CGN: variants seen among roughly 807,000 people sequenced by gnomAD.
CGN encodes cingulin.
A neutral mutation model predicts 157.1 loss-of-function variants in CGN; 121 were observed. The ratio of observed to expected loss-of-function variants is 0.77; its 90% confidence interval spans 0.66 to 0.90. The LOEUF (loss-of-function observed/expected upper bound fraction) is 0.90. CGN is among the 40% of genes least tolerant of loss of function. CGN has a pLI of 0.00. For synonymous variants in CGN, 535 were observed against 607.5 expected, an observed-to-expected ratio of 0.88 and a Z score of 1.76; for missense variants, 1,424 against 1,520.9, an observed-to-expected ratio of 0.94 and a Z score of 1.06.
intron 13 of CGN, 122 bp downstream of exon 13, chr1:151,530,868 C>T (rs550979983): frequency 9.6e-6 from 10 of 1,039,544 alleles, no homozygotes; most frequent in African/African-American, 3.2e-5. Flanking sequence ...TGGCCAGGTG[C>T]GGTGACTCAC....
chr1:151,533,460 A>G (rs562411865), intron 14 of CGN, among the ~76,000 whole-genome samples: 95 of 151,566 alleles, frequency 6.3e-4, no homozygotes, highest in Middle Eastern at 3.5e-3. Context: ...TGGGCGACAG[A>G]GCAAGACTCC....
At chr1:151,536,550 G>T (rs1664973122) in intron 19 of CGN, among the ~76,000 whole-genome samples, 180 bp from the exon 20 acceptor site, 1 of 152,208 alleles carries the variant, frequency 6.6e-6, no homozygotes, top group South Asian at 2.1e-4. Flanking sequence ...GCTAGGTTCT[G>T]TAAGTATTAC....
chr1:151,536,634 A>G, intron 19 of CGN, 96 bp from the exon 20 acceptor site: 1 of 1,304,090 alleles, frequency 7.7e-7, no homozygotes, highest in Non-Finnish European at 1.1e-6. Context: ...ACATTTTTCC[A>G]GCGGCAATTA....
At chr1:151,530,408 C>G in intron 12 of CGN, 81 bp from the exon 13 acceptor site, 2 of 1,470,632 alleles carry the variant, frequency 1.4e-6, no homozygotes. Flanking sequence ...CCTCCTTTCT[C>G]CTGCCCAGCT....
chr1:151,536,131 A>T (rs1156551944), intron 18 of CGN, 106 bp from the exon 19 acceptor site: 1 of 793,230 alleles, frequency 1.3e-6, no homozygotes, highest in Non-Finnish European at 2.2e-6. Context: ...GCCCAGTCTA[A>T]TGGTGGAGCT....
At chr1:151,537,131 T>C in intron 20 of CGN, 74 bp from the exon 21 acceptor site, 1 of 1,515,098 alleles carries the variant, frequency 6.6e-7, no homozygotes, top group South Asian at 1.3e-5. Flanking sequence ...TGGGGTTTCC[T>C]TTGTACAAAA....
rs571663770 is a variant in CGN at position 151,529,959 on chromosome 1, C to T, written c.2157C>T (p.Ala719=). 1.5e-5 allele frequency: 25 copies of T among 1,614,118 alleles called. 1 individual carries two copies. The highest frequency in any genetic ancestry group is 1.4e-4 in the South Asian group (13 of 91,084). ...CAACAGTGCTGGGGCAGCGGCGGGC[C>T]GCAGTGGAGACGACGCTTCGGGAGA... The part of the protein sequence containing the change: ...AEATVLGQRR[A]AVETTLRETQ... Residue 719 remains alanine (A), a synonymous_variant, in exon 12 of 21, where the codon GCC becomes GCT. Transcript: ENST00000271636.
Position 151,519,286 on chromosome 1 carries a change from A to T in CGN, c.767A>T (p.Asn256Ile). ...TCGAAGCAGCCAGCCCAGAGCCAGA[A>T]CCTGAGTCCTCTCAGTGGCTTTAGC... Reference protein sequence around the residue: ...GTSKQPAQSQNLSPLSGFSRS... With the variant: ...GTSKQPAQSQILSPLSGFSRS... The change falls in exon 2 of 21, where the codon AAC becomes ATC. Residue 256 changes from asparagine to isoleucine, a missense_variant. Transcript: ENST00000271636. 2 of 1,613,938 alleles carry T rather than the reference A, an allele frequency of 1.2e-6. No homozygotes were observed. Among genetic ancestry groups the T allele is most frequent in the Non-Finnish European group, 1.7e-6 (2 of 1,180,022 alleles).
Position 151,524,196 on chromosome 1 carries a change from A to C in CGN, c.1269-30A>C. Reference sequence around the variant, plus strand: ...ATGCGTTTAGAGAACTGCCTGACACATAGTGTGCAATAATGTTATCTATTA... The same window carrying C: ...ATGCGTTTAGAGAACTGCCTGACACCTAGTGTGCAATAATGTTATCTATTA... On this transcript the variant is annotated intron_variant, in intron 6 of 20. Coordinates refer to ENST00000271636, the MANE Select transcript of CGN (RefSeq NM_020770.3). The surrounding 1 kb of genome is among the most constrained non-coding windows in gnomAD (Gnocchi z 4.4). The C allele has an allele frequency of 6.3e-7, 1 of 1,575,112 alleles. No individual in the cohort carries two copies.
intron 10 of CGN, chr1:151,527,947 TA>T: frequency 7.0e-5 from 10 of 143,268 alleles, no homozygotes; most frequent in South Asian, 2.2e-4. Flanking sequence ...TATATATATA[TA>T]TATTTTTTTT....
In CGN at chr1:151,526,943, C is replaced by CTT. The variant is rs764698328; in HGVS notation, c.1764-30_1764-29dup. On this transcript the variant is annotated intron_variant, in intron 9 of 20. Transcript: ENST00000271636. ...CAGGCATGTGGCCTTACTCTGTTCC[C>CTT]TTTCCCCTTTATTTCACCTTGCCTG... 9 of 1,614,006 alleles carry CTT rather than the reference C, an allele frequency of 5.6e-6. No homozygotes were observed. In the South Asian group the frequency reaches 9.9e-5, roughly 18 times the overall value.
chr1:151,527,808 T>TACACAC (rs141985486), intron 10 of CGN: 20,986 of 155,692 alleles, frequency 0.13, 1,431 homozygotes, highest in Middle Eastern at 0.2. Context: ...TTTGGTTTTA[T>TACACAC]ACACACACAC....
In CGN at chr1:151,529,527, C is replaced by A. The variant is rs928793358; in HGVS notation, c.2074C>A (p.Gln692Lys). The change falls in exon 11 of 21, where the codon CAA (glutamine) becomes AAA (lysine). Residue 692 changes from glutamine to lysine, a missense_variant. Transcript: ENST00000271636. ...QNLQLQKTLQ[Q>K]LRQDCEEASK... ...CCTCCAGCTACAAAAGACCCTCCAG[C>A]AACTGCGACAGGACTGTGAAGAGGC... 6.2e-7 allele frequency: 1 copy of A among 1,613,900 alleles called. No homozygotes were observed. Among genetic ancestry groups the A allele is most frequent in the Admixed American group, 1.7e-5 (1 of 59,990 alleles).
chr1:151,511,313 C>A (rs1664279612), upstream of CGN: 1 of 153,120 alleles, frequency 6.5e-6, no homozygotes, highest in Non-Finnish European at 1.5e-5. The surrounding 1 kb of genome is among the most constrained non-coding windows in gnomAD (Gnocchi z 4.8). Context: ...CGGGGAAAGG[C>A]GGGGCGGGCA....
At chr1:151,516,488 C>T (rs1435495620) in intron 1 of CGN, among the ~76,000 whole-genome samples, 1 of 151,466 alleles carries the variant, frequency 6.6e-6, no homozygotes, top group African/African-American at 2.4e-5. Flanking sequence ...ATGGTGTTGG[C>T]TCTGGCTCTC....
chr1:151,537,579 G>A lies in CGN; in HGVS notation c.*233G>A, dbSNP rs1664998433. ...CAAGCCAACTGAGCCTTTTCCTCAA[G>A]TGCCGACACCTCCCTCATCTCTCTT... On this transcript the variant is annotated 3_prime_UTR_variant, in exon 21 of 21. Transcript: ENST00000271636. The A allele has an allele frequency of 2.2e-6, 1 of 458,944 alleles. No individual in the cohort carries two copies. The highest frequency in any genetic ancestry group is 3.9e-6 in the Non-Finnish European group (1 of 258,498). The allele number at this position is 458,944 out of a possible 1,614,324, so 28.4% of individuals were successfully genotyped here.
Position 151,511,463 on chromosome 1 carries a change from C to CGAGCCCGAGCCT in CGN, c.-56_-55insTGAGCCCGAGCC, listed in dbSNP as rs1553244439. 1.1e-4 allele frequency: 21 copies of CGAGCCCGAGCCT among 187,842 alleles called. No individual in the cohort carries two copies. Among genetic ancestry groups the CGAGCCCGAGCCT allele is most frequent in the African/African-American group, 5.0e-4 (21 of 41,912 alleles). 11.6% of individuals were successfully genotyped at this position (187,842 alleles called of 1,614,324 possible). On this transcript the variant is annotated 5_prime_UTR_variant, in exon 1 of 21. Transcript: ENST00000271636. This position sits in a 1 kb window ranked among gnomAD's most constrained non-coding sequence, Gnocchi z 4.8. ...CCGAGCCCGAGCCCGAGCCCGAGCCCGAGCCCGAGCCCGAGCCCGAACGCA... is the reference window on the plus strand; with the variant it reads ...CCGAGCCCGAGCCCGAGCCCGAGCCCGAGCCCGAGCCTGAGCCCGAGCCCGAGCCCGAACGCA...
chr1:151,527,057 C>G lies in CGN; in HGVS notation c.1846C>G (p.Gln616Glu). The change falls in exon 10 of 21, where the codon CAG becomes GAG. Residue 616 changes from glutamine to glutamate, a missense_variant. Around this residue, in one of 3 missense-constraint regions of CGN, gnomAD observed 1,187 missense variants for 1,217.6 expected, o/e 0.97. Transcript: ENST00000271636. ...KIEVLQRELEQARASAGDTRQ... is the reference protein window; with the variant it reads ...KIEVLQRELEEARASAGDTRQ... ...AGAGGTCTTGCAGAGGGAATTAGAG[C>G]AGGCCCGAGCTAGTGCTGGAGATAC... 1 of 1,614,186 alleles carries G rather than the reference C, an allele frequency of 6.2e-7. No individual in the cohort carries two copies. The highest frequency in any genetic ancestry group is 1.1e-5 in the South Asian group (1 of 91,086).
intron 5 of CGN, among the ~76,000 whole-genome samples, chr1:151,522,696 C>T (rs1027959220): frequency 6.6e-6 from 1 of 151,580 alleles, no homozygotes; most frequent in Non-Finnish European, 1.5e-5. Context: ...GACAGATTAC[C>T]TGAGGTCGGG....
Sources: allele counts gnomAD v4.1 joint callset (sites outside exome capture counted in the v4.1 genomes callset), GRCh38; gene constraint gnomAD v4.1.1; regional missense constraint gnomAD v4.1.1; non-coding constraint Gnocchi (gnomAD v3.1); transcripts MANE v1.5; gene names NCBI Gene and HGNC (gene_info 2026-07-23, HGNC 2026-07-21).